PCDH9: variants seen among roughly 807,000 people sequenced by gnomAD.
PCDH9 encodes the protein protocadherin-9.
PCDH9 carries 24 observed loss-of-function variants against 70.6 expected under a neutral mutation model. The ratio of observed to expected loss-of-function variants is 0.34; its 90% CI spans 0.25 to 0.48. PCDH9 has a LOEUF of 0.48. PCDH9 is among the 20% of genes least tolerant of loss of function. The pLI is 0.99. For missense variants in PCDH9, 1,281 were observed against 1,503.6 expected (o/e 0.85, Z 2.45); for synonymous variants, 562 against 558.5 (o/e 1.01, Z -0.09).
intron 4 of PCDH9, among the ~76,000 whole-genome samples, chr13:66,510,822 G>A (rs557792846): frequency 3.3e-5 from 5 of 152,280 alleles, no homozygotes; most frequent in African/African-American, 7.2e-5. Flanking sequence ...ATAAACATAC[G>A]TGTGCTAAAC....
intron 3 of PCDH9, among the ~76,000 whole-genome samples, chr13:66,724,016 C>T (rs2078974351): frequency 6.6e-6 from 1 of 152,062 alleles, no homozygotes; most frequent in South Asian, 2.1e-4. Flanking sequence ...AATGTGACAA[C>T]AGAATGCAGT....
At chr13:66,967,991 T>C (rs1445076646) in intron 2 of PCDH9, among the ~76,000 whole-genome samples, 3 of 152,044 alleles carry the variant, frequency 2.0e-5, no homozygotes, top group Non-Finnish European at 2.9e-5. Context: ...AACACTTACA[T>C]TGGCAAGAGA....
At chr13:67,020,040 C>A (rs997149623) in intron 2 of PCDH9, among the ~76,000 whole-genome samples, 2 of 152,146 alleles carry the variant, frequency 1.3e-5, no homozygotes, top group African/African-American at 4.8e-5. Flanking sequence ...ACATTTCCTG[C>A]AAGTAAACCT....
chr13:66,438,851 C>A (rs1957923966), intron 4 of PCDH9, among the ~76,000 whole-genome samples: 1 of 152,156 alleles, frequency 6.6e-6, no homozygotes, highest in African/African-American at 2.4e-5. Context: ...GTTGTTATAG[C>A]AGCAAGCCTG....
intron 3 of PCDH9, among the ~76,000 whole-genome samples, chr13:66,656,923 C>T (rs1355032718): frequency 6.6e-6 from 1 of 152,088 alleles, no homozygotes; most frequent in Non-Finnish European, 1.5e-5. Flanking sequence ...GAAATGAGAG[C>T]ATCTGAACTT....
chr13:66,511,452 G>T (rs1410449250), intron 4 of PCDH9, among the ~76,000 whole-genome samples: 1 of 151,872 alleles, frequency 6.6e-6, no homozygotes, highest in African/African-American at 2.4e-5. Context: ...GATTATTAAT[G>T]CAAAGCACTT....
intron 2 of PCDH9, among the ~76,000 whole-genome samples, chr13:66,943,054 T>C (rs772679101): frequency 6.6e-6 from 1 of 152,056 alleles, no homozygotes; most frequent in African/African-American, 2.4e-5. Flanking sequence ...TATGACTCAT[T>C]TACTTCAATA....
At chr13:66,549,624 C>G (rs1439768561) in intron 4 of PCDH9, among the ~76,000 whole-genome samples, 2 of 152,018 alleles carry the variant, frequency 1.3e-5, no homozygotes, top group Non-Finnish European at 2.9e-5. Flanking sequence ...GAGGTCAAAT[C>G]AGATTAATTT....
intron 3 of PCDH9, among the ~76,000 whole-genome samples, chr13:66,776,987 C>T (rs1196458804): frequency 1.3e-5 from 2 of 151,474 alleles, no homozygotes; most frequent in African/African-American, 4.9e-5. Context: ...ATATCTACAA[C>T]TATCTGATCT....
chr13:66,478,900 A>C (rs1958783832), intron 4 of PCDH9, among the ~76,000 whole-genome samples: 1 of 152,368 alleles, frequency 6.6e-6, no homozygotes, highest in African/African-American at 2.4e-5. Flanking sequence ...TTTTCAACGT[A>C]GATAAAACAG....
chr13:66,975,727 T>A (rs2139757302), intron 2 of PCDH9, among the ~76,000 whole-genome samples: 1 of 152,054 alleles, frequency 6.6e-6, no homozygotes, highest in Middle Eastern at 3.4e-3. Context: ...AGGAACCAGA[T>A]AACTAGGTGC....
At chr13:67,160,553 A>G (rs1161035239) in intron 2 of PCDH9, among the ~76,000 whole-genome samples, 1 of 145,514 alleles carries the variant, frequency 6.9e-6, no homozygotes, top group African/African-American at 2.6e-5. Flanking sequence ...TCTCAAAAAA[A>G]AAAAGTGATA....
At chr13:66,913,793 C>A (rs2082511460) in intron 2 of PCDH9, among the ~76,000 whole-genome samples, 1 of 151,946 alleles carries the variant, frequency 6.6e-6, no homozygotes, top group Non-Finnish European at 1.5e-5. Flanking sequence ...TGAAACTTCA[C>A]CATGGCTTTA....
rs977898617 is a variant in PCDH9 at position 67,086,415 on chromosome 13, C to T, written c.3036+138990G>A. ...TGCTATGTAAATATCAGTGACCAAA[C>T]TTGGCACTTCTTTTAAAGTGCACAG... On this transcript the variant is annotated intron_variant, in intron 2 of 4. Transcript: ENST00000377865. Among the ~76,000 whole-genome samples the T allele has an allele frequency of 4.6e-5, 7 of 152,310 alleles. No homozygotes were observed. In the East Asian group the frequency reaches 5.8e-4, roughly 13 times the overall value.
At chr13:67,218,805 C>A (rs1217470322) in intron 2 of PCDH9, 1 of 151,984 alleles carries the variant, frequency 6.6e-6, no homozygotes, top group Non-Finnish European at 1.5e-5. Context: ...ATGATAGAAT[C>A]AATCAAATAT....
At chr13:66,621,550 G>A (rs1282865469) in intron 4 of PCDH9, among the ~76,000 whole-genome samples, 2 of 152,174 alleles carry the variant, frequency 1.3e-5, no homozygotes, top group African/African-American at 2.4e-5. Context: ...AGGAGTCGGC[G>A]TATATGAGTT....
chr13:67,223,108 C>T (rs2089770074), intron 2 of PCDH9: 1 of 152,184 alleles, frequency 6.6e-6, no homozygotes, highest in Admixed American at 6.6e-5. Flanking sequence ...CATTGGAATA[C>T]CCATAGGAGA....
intron 2 of PCDH9, among the ~76,000 whole-genome samples, chr13:67,179,079 G>C (rs528306709): frequency 6.6e-6 from 1 of 151,960 alleles, no homozygotes; most frequent in African/African-American, 2.4e-5. Flanking sequence ...CATAATAATT[G>C]CTCAATAAAC....
intron 3 of PCDH9, among the ~76,000 whole-genome samples, chr13:66,682,547 G>T (rs1033142488): frequency 6.6e-6 from 1 of 151,930 alleles, no homozygotes; most frequent in Non-Finnish European, 1.5e-5. Context: ...TCCACCCAAA[G>T]GCTTTGCACA....
Sources: gnomAD v4.1 joint callset for allele counts (sites outside exome capture counted in the v4.1 genomes callset) on GRCh38, gnomAD v4.1.1 for gene constraint, MANE v1.5 for transcripts, NCBI Gene and HGNC (gene_info 2026-07-23, HGNC 2026-07-21) for gene names.